The following GALM variants were observed in gnomAD, a reference collection of about 807,000 sequenced individuals.
The protein encoded by GALM is aldose 1-epimerase.
A neutral mutation model predicts 37.4 loss-of-function variants in GALM; 43 were observed. The ratio of observed to expected loss-of-function variants is 1.15; its 90% CI spans 0.90 to 1.48. The LOEUF (loss-of-function observed/expected upper bound fraction) is 1.48. GALM is among the 40% of genes most tolerant of loss of function. GALM has a pLI of 0.00. For missense variants in GALM, 456 were observed against 419.1 expected, an observed-to-expected ratio of 1.09 and a Z score of -0.77; for synonymous variants, 199 against 170.6, an observed-to-expected ratio of 1.17 and a Z score of -1.30.
intron 3 of GALM, among the ~76,000 whole-genome samples, chr2:38,688,635 T>C (rs1442962885): frequency 4.6e-5 from 7 of 152,224 alleles, no homozygotes; most frequent in Non-Finnish European, 7.3e-5. Context: ...TGGTTTCCCT[T>C]CCACATCTTC....
At chr2:38,685,461 A>T (rs1665496828) in intron 3 of GALM, among the ~76,000 whole-genome samples, 1 of 152,218 alleles carries the variant, frequency 6.6e-6, no homozygotes, top group Non-Finnish European at 1.5e-5. Context: ...CAATGTCTTT[A>T]AAGTCCCCTG....
chr2:38,695,785 C>G (rs1665792034), intron 4 of GALM, among the ~76,000 whole-genome samples: 1 of 152,110 alleles, frequency 6.6e-6, no homozygotes, highest in East Asian at 1.9e-4. Context: ...CAACCTCCAC[C>G]TCCCGGGTTC....
intron 1 of GALM, among the ~76,000 whole-genome samples, chr2:38,667,322 C>T (rs922825106): frequency 1.3e-5 from 2 of 152,112 alleles, no homozygotes; most frequent in Admixed American, 6.5e-5. Context: ...TTTGGTTCTT[C>T]CGATACGTAA....
chr2:38,673,841 A>T (rs1022394416), intron 1 of GALM, among the ~76,000 whole-genome samples: 11 of 152,110 alleles, frequency 7.2e-5, no homozygotes, highest in Middle Eastern at 3.4e-3. Context: ...TCAAAAAAAA[A>T]TAAAAAGGAA....
At chr2:38,689,681 T>C in intron 3 of GALM, 132 bp from the exon 4 acceptor site, 1 of 640,900 alleles carries the variant, frequency 1.6e-6, no homozygotes, top group Non-Finnish European at 2.8e-6. Flanking sequence ...TTATATTTAA[T>C]CATGACCATC....
At chr2:38,694,061 G>A (rs115296331) in intron 4 of GALM, among the ~76,000 whole-genome samples, 2 of 151,818 alleles carry the variant, frequency 1.3e-5, no homozygotes, top group Non-Finnish European at 2.9e-5. Context: ...GCATGCCTGT[G>A]GTCCCAGCTA....
At chr2:38,733,366 A>C in intron 6 of GALM, 122 bp from the exon 7 acceptor site, 3 of 807,634 alleles carry the variant, frequency 3.7e-6, no homozygotes, top group Non-Finnish European at 6.6e-6. Flanking sequence ...AATCATAAAC[A>C]GTTCCCGCAC....
Position 38,681,497 on chromosome 2 carries a change from T to C in GALM, c.552+11T>C. The C allele has an allele frequency of 6.2e-7, 1 of 1,604,362 alleles. No individual in the cohort carries two copies. Among genetic ancestry groups the C allele is most frequent in the African/African-American group, 1.3e-5 (1 of 74,850 alleles). ...AACCTGGCAGGCCAGGTAAGTGAAC[T>C]TGTTTCTTCTTTCCTGCTTCGTGCT... On this transcript the variant is annotated intron_variant, in intron 3 of 6. Coordinates refer to ENST00000272252, the MANE Select transcript of GALM (RefSeq NM_138801.3).
chr2:38,677,105 C>G (rs1196851028), intron 2 of GALM, among the ~76,000 whole-genome samples: 1 of 152,240 alleles, frequency 6.6e-6, no homozygotes, highest in East Asian at 1.9e-4. Flanking sequence ...CAGCTTCTCC[C>G]TGGGGTGGGA....
intron 4 of GALM, among the ~76,000 whole-genome samples, chr2:38,715,441 T>C (rs1386549435): frequency 1.3e-5 from 2 of 152,154 alleles, no homozygotes; most frequent in African/African-American, 4.8e-5. Context: ...TTTTTGTTGT[T>C]TATTTTTTGT....
intron 1 of GALM, among the ~76,000 whole-genome samples, chr2:38,673,976 G>A (rs374623103): frequency 1.0e-3 from 157 of 152,112 alleles, no homozygotes; most frequent in African/African-American, 3.5e-3. Flanking sequence ...GAATATGTGT[G>A]TTTGTGTATT....
intron 4 of GALM, among the ~76,000 whole-genome samples, chr2:38,721,006 G>C (rs1431010471): frequency 1.3e-5 from 2 of 152,240 alleles, no homozygotes; most frequent in Non-Finnish European, 2.9e-5. Context: ...CCACGGCTCA[G>C]TGAAGAAGTA....
At chr2:38,706,848 G>C (rs1183681889) in intron 4 of GALM, among the ~76,000 whole-genome samples, 2 of 114,654 alleles carry the variant, frequency 1.7e-5, no homozygotes, top group South Asian at 3.2e-4. Context: ...CGGCAACATA[G>C]TGAGACTCCA....
Position 38,707,897 on chromosome 2 carries a change from C to T in GALM, c.634+18003C>T, listed in dbSNP as rs538937864. The stretch of plus-strand genomic sequence containing the variant: ...CCGAGGTGGGTGGATCACTTGAGGT[C>T]AGGAGTTCAAGACCAGCCTGGCCAA... On this transcript the variant is annotated intron_variant, in intron 4 of 6. Transcript: ENST00000272252. Among the ~76,000 whole-genome samples the T allele has an allele frequency of 2.8e-3, 422 of 152,072 alleles. 5 individuals carry two copies. Among genetic ancestry groups the T allele is most frequent in the African/African-American group, 9.9e-3 (410 of 41,478 alleles).
chr2:38,686,623 G>A (rs1002476750), intron 3 of GALM, among the ~76,000 whole-genome samples: 2 of 152,102 alleles, frequency 1.3e-5, no homozygotes, highest in Non-Finnish European at 2.9e-5. Flanking sequence ...AAGCAACCCA[G>A]AAGTCTATCA....
Position 38,733,926 on chromosome 2 carries a change from A to C in GALM, c.*361A>C. The C allele has an allele frequency of 9.8e-6, 3 of 307,646 alleles. No homozygotes were observed. Among genetic ancestry groups the C allele is most frequent in the Non-Finnish European group, 1.9e-5 (3 of 156,820 alleles). 19.1% of individuals were successfully genotyped at this position (307,646 alleles called of 1,614,324 possible). On this transcript the variant is annotated 3_prime_UTR_variant, in exon 7 of 7. Coordinates refer to ENST00000272252, the MANE Select transcript of GALM (RefSeq NM_138801.3). ...TTCCTTTCTTTAAAGCTATTCTCAC[A>C]TTGCTTTTATTTCCTCCTCCTTCAC...
At chr2:38,675,820 C>T (rs1004552740) in intron 1 of GALM, 92 bp from the exon 2 acceptor site, 25 of 1,182,266 alleles carry the variant, frequency 2.1e-5, no homozygotes, top group African/African-American at 1.1e-4. Flanking sequence ...CCGCCTGCCT[C>T]GGCCTCCCAT....
At chr2:38,668,622 A>C (rs1488058563) in intron 1 of GALM, 1 of 152,116 alleles carries the variant, frequency 6.6e-6, no homozygotes, top group African/African-American at 2.4e-5. Context: ...AAACAAACAG[A>C]GGTAAATAAT....
At chr2:38,705,984 A>G (rs977855187) in intron 4 of GALM, among the ~76,000 whole-genome samples, 7 of 151,914 alleles carry the variant, frequency 4.6e-5, no homozygotes, top group African/African-American at 1.5e-4. Context: ...AGTAGCAGGG[A>G]TTACAGGCGT....
Sources: allele counts gnomAD v4.1 joint callset (sites outside exome capture counted in the v4.1 genomes callset), GRCh38; gene constraint gnomAD v4.1.1; transcripts MANE v1.5; gene names NCBI Gene and HGNC (gene_info 2026-07-23, HGNC 2026-07-21).